The following EYS variants were observed in gnomAD, a reference collection of about 807,000 sequenced individuals.
EYS encodes the protein EGF-like photoreceptor maintenance factor, also known as protein eyes shut homolog.
In EYS, 250 loss-of-function variants were observed where a neutral mutation model predicts 282.1. The observed-to-expected ratio is 0.89, with a 90% CI of 0.80 to 0.98. The LOEUF (loss-of-function observed/expected upper bound fraction) is 0.98, where lower values mean the gene tolerates loss of function less well. Among genes scored for constraint, EYS ranks in the 50% least tolerant of loss-of-function variants. The pLI is 0.00. For missense variants in EYS, 4,016 were observed against 3,709.0 expected (o/e 1.08, Z -2.15); for synonymous variants, 1,355 against 1,282.9 (o/e 1.06, Z -1.20).
At chr6:65,453,427 G>A (rs1764479943) in intron 5 of EYS, among the ~76,000 whole-genome samples, 1 of 151,756 alleles carries the variant, frequency 6.6e-6, no homozygotes, top group Non-Finnish European at 1.5e-5. Context: ...TATTTATGAG[G>A]TACACTTTGA....
At chr6:64,516,123 G>T (rs985764611) in intron 26 of EYS, among the ~76,000 whole-genome samples, 1 of 151,742 alleles carries the variant, frequency 6.6e-6, no homozygotes, top group African/African-American at 2.4e-5. Context: ...GACAACTCAT[G>T]GACACATAGA....
chr6:64,367,601 T>A (rs1018858676), intron 29 of EYS, among the ~76,000 whole-genome samples: 1 of 104,018 alleles, frequency 9.6e-6, no homozygotes, highest in African/African-American at 3.6e-5. Context: ...AACACCTAGT[T>A]GGATTTCAGA....
At chr6:64,811,771 G>A (rs1764601810) in intron 22 of EYS, among the ~76,000 whole-genome samples, 1 of 152,044 alleles carries the variant, frequency 6.6e-6, no homozygotes, top group African/African-American at 2.4e-5. Flanking sequence ...AAGCCAAACA[G>A]ATGCCTATGC....
At chr6:64,399,120 C>T (rs528957408) in intron 28 of EYS, among the ~76,000 whole-genome samples, 10 of 151,818 alleles carry the variant, frequency 6.6e-5, no homozygotes, top group South Asian at 4.2e-4. Context: ...TAACACTTTG[C>T]TAATGAACTC....
intron 2 of EYS, among the ~76,000 whole-genome samples, chr6:65,537,329 C>T (rs983824231): frequency 6.6e-6 from 1 of 151,942 alleles, no homozygotes; most frequent in African/African-American, 2.4e-5. Context: ...ACATGTATCC[C>T]CTAACTTAAA....
chr6:65,288,022 T>C (rs1478445397), intron 12 of EYS, among the ~76,000 whole-genome samples: 1 of 151,296 alleles, frequency 6.6e-6, no homozygotes, highest in Non-Finnish European at 1.5e-5. Context: ...TCAGACATTG[T>C]ATAGAACAGT....
intron 22 of EYS, among the ~76,000 whole-genome samples, chr6:64,720,167 T>C (rs931048366): frequency 6.6e-5 from 10 of 152,322 alleles, no homozygotes; most frequent in African/African-American, 2.4e-4. Context: ...TTCCAGCTTC[T>C]ACAGGCTGCC....
intron 33 of EYS, among the ~76,000 whole-genome samples, chr6:64,024,881 G>A (rs936258981): frequency 3.9e-5 from 6 of 152,130 alleles, no homozygotes; most frequent in Middle Eastern, 3.2e-3. Flanking sequence ...AACACTCACC[G>A]TGAGGGTCTG....
intron 35 of EYS, among the ~76,000 whole-genome samples, chr6:63,918,495 T>C (rs1764482066): frequency 6.6e-6 from 1 of 152,172 alleles, no homozygotes; most frequent in African/African-American, 2.4e-5. Flanking sequence ...AAATGAGCAA[T>C]ATCCTGGAGA....
intron 22 of EYS, among the ~76,000 whole-genome samples, chr6:64,810,683 T>C (rs1012410233): frequency 3.3e-5 from 5 of 152,082 alleles, no homozygotes; most frequent in African/African-American, 2.4e-5. Context: ...CTGCAGGTCA[T>C]TAAAGGCTGA....
In EYS at chr6:64,755,752, G is replaced by A. The variant is rs375116704; in HGVS notation, c.3443+57626C>T. ...CACTGGGAACTCACAACAGTGGGAG[G>A]GTGAGGGGGGTGAGGGATGAGAAAT... On this transcript the variant is annotated intron_variant, in intron 22 of 42. Transcript: ENST00000503581. Among the ~76,000 whole-genome samples, 11 of 152,150 alleles carry A rather than the reference G, an allele frequency of 7.2e-5. No homozygotes were observed. The East Asian group carries it at 2.1e-3, about 29-fold the overall frequency.
At chr6:64,951,915 T>C (rs1044505858) in intron 14 of EYS, among the ~76,000 whole-genome samples, 2 of 151,964 alleles carry the variant, frequency 1.3e-5, no homozygotes, top group African/African-American at 2.4e-5. Context: ...TTTGAAAAAT[T>C]GCTGCCTGAG....
At chr6:65,506,111 C>T (rs577759522) in intron 2 of EYS, among the ~76,000 whole-genome samples, 1 of 152,144 alleles carries the variant, frequency 6.6e-6, no homozygotes, top group African/African-American at 2.4e-5. Flanking sequence ...GAATTGATTC[C>T]CTGAAGACCG....
At chr6:64,649,177 T>A (rs191101609) in intron 22 of EYS, among the ~76,000 whole-genome samples, 2 of 152,248 alleles carry the variant, frequency 1.3e-5, no homozygotes, top group East Asian at 3.9e-4. Flanking sequence ...CAAAATTTAA[T>A]GAAAAAAGAC....
At chr6:64,151,323 A>G (rs1288144587) in intron 31 of EYS, among the ~76,000 whole-genome samples, 1,326 of 64,664 alleles carry the variant, frequency 0.021, 36 homozygotes, top group African/African-American at 0.052. Flanking sequence ...ATATTTATAT[A>G]TATATATATA....
At chr6:64,303,286 G>A (rs1332152548) in intron 30 of EYS, among the ~76,000 whole-genome samples, 1 of 152,168 alleles carries the variant, frequency 6.6e-6, no homozygotes, top group Non-Finnish European at 1.5e-5. Context: ...TAACACTACA[G>A]GTCACTCCTT....
At chr6:64,067,503 A>C (rs1663799302) in intron 32 of EYS, among the ~76,000 whole-genome samples, 1 of 152,146 alleles carries the variant, frequency 6.6e-6, no homozygotes. Context: ...CTTTAAGTCT[A>C]CTGTAGTCTT....
At chr6:64,350,974 G>A (rs1771610008) in intron 29 of EYS, among the ~76,000 whole-genome samples, 1 of 151,370 alleles carries the variant, frequency 6.6e-6, no homozygotes, top group South Asian at 2.1e-4. Flanking sequence ...CTGCTGCCAT[G>A]TGTAGAAGGA....
chr6:64,065,459 G>T (rs1771332570), intron 33 of EYS, among the ~76,000 whole-genome samples: 1 of 152,136 alleles, frequency 6.6e-6, no homozygotes, highest in African/African-American at 2.4e-5. Context: ...TAATGCCCCT[G>T]AGATGTGATC....
Sources: gnomAD v4.1 joint callset for allele counts (sites outside exome capture counted in the v4.1 genomes callset) on GRCh38, gnomAD v4.1.1 for gene constraint, MANE v1.5 for transcripts, NCBI Gene and HGNC (gene_info 2026-07-23, HGNC 2026-07-21) for gene names.